Variants in MKLN1 observed in about 807,000 individuals in gnomAD.
MKLN1 encodes the protein muskelin 1.
In MKLN1, 18 loss-of-function variants were observed where a neutral mutation model predicts 99.0. That is an observed-to-expected ratio of 0.18 (90% CI 0.13 to 0.27). MKLN1 has a LOEUF of 0.27. Ranked by LOEUF, MKLN1 falls within the 10% of genes least tolerant of loss-of-function variation. MKLN1 has a pLI of 1.00. For synonymous variants in MKLN1, 288 were observed against 293.2 expected (o/e 0.98, Z 0.18); for missense variants, 621 against 875.9 (o/e 0.71, Z 3.67).
intron 17 of MKLN1, among the ~76,000 whole-genome samples, chr7:131,484,252 T>TA (rs1458460422): frequency 1.3e-5 from 2 of 152,192 alleles, no homozygotes; most frequent in African/African-American, 4.8e-5. Flanking sequence ...TAAATGAGCT[T>TA]AGTACATTGC....
chr7:131,117,323 G>A (rs1201391868), intron 1 of MKLN1, among the ~76,000 whole-genome samples: 3 of 151,748 alleles, frequency 2.0e-5, no homozygotes, highest in Non-Finnish European at 2.9e-5. Flanking sequence ...CCAGCTACTC[G>A]GGAGGCTGAG....
At chr7:131,458,696 TAAAG>T (rs1444533053) in intron 12 of MKLN1, among the ~76,000 whole-genome samples, 1 of 152,046 alleles carries the variant, frequency 6.6e-6, no homozygotes, top group Admixed American at 6.6e-5. Flanking sequence ...AATATCTCCT[TAAAG>T]AAGTTTATAT....
At chr7:131,429,524 C>T (rs1265829117) in intron 9 of MKLN1, among the ~76,000 whole-genome samples, 1 of 152,120 alleles carries the variant, frequency 6.6e-6, no homozygotes, top group Non-Finnish European at 1.5e-5. Flanking sequence ...GTTTTTGACA[C>T]TCACTATCTC....
chr7:131,382,844 C>T (rs962424340), intron 2 of MKLN1, among the ~76,000 whole-genome samples: 1 of 151,928 alleles, frequency 6.6e-6, no homozygotes, highest in African/African-American at 2.4e-5. Context: ...CTGTCTCAGC[C>T]TCCCGAGTAG....
At chr7:131,289,847 C>T (rs1798191099) in intron 3 of MKLN1, among the ~76,000 whole-genome samples, 2 of 152,190 alleles carry the variant, frequency 1.3e-5, no homozygotes, top group Non-Finnish European at 2.9e-5. Flanking sequence ...TCACTACATT[C>T]CAGCCACATT....
chr7:131,443,775 T>TCTCTTC, intron 11 of MKLN1, 73 bp downstream of exon 11: 1 of 1,147,220 alleles, frequency 8.7e-7, no homozygotes, highest in Non-Finnish European at 1.3e-6. Flanking sequence ...AGTGGTGAAA[T>TCTCTTC]CTAATTCTTT....
rs147602863 is a variant in MKLN1, at chr7:131,196,549, G to A, written c.-296-6308G>A. On this transcript the variant is annotated intron_variant, in intron 2 of 7. Transcript: ENST00000416992. ...TTCATTTTTTTTTTTCCAAAACGGTGTGCTAAAATGACTGCTGACTGCAAA... is the reference window on the plus strand; with the variant it reads ...TTCATTTTTTTTTTTCCAAAACGGTATGCTAAAATGACTGCTGACTGCAAA... 9.4e-3 allele frequency among the ~76,000 whole-genome samples: 1,422 copies of A among 151,350 alleles called. 16 individuals carry two copies. The highest frequency in any genetic ancestry group is 0.027 in the Middle Eastern group (8 of 294).
chr7:131,235,202 CCCTCTATCTCTCTATCTCTTTCTCTCTG>C, intron 3 of MKLN1, among the ~76,000 whole-genome samples: 1 of 152,190 alleles, frequency 6.6e-6, no homozygotes, highest in Non-Finnish European at 1.5e-5. Flanking sequence ...CTCTGTCTCT[CCCTCTATCTCTCTATCTCTTTCTCTCTG>C]TGTCTCTCTC....
At chr7:131,227,473 T>TTCTC (rs1284436982) in intron 3 of MKLN1, among the ~76,000 whole-genome samples, 29 of 143,220 alleles carry the variant, frequency 2.0e-4, no homozygotes, top group African/African-American at 3.6e-4. Context: ...CTTTCTTTCT[T>TTCTC]TCTCTCTTTC....
At chr7:131,233,706 T>C (rs866982988) in intron 3 of MKLN1, among the ~76,000 whole-genome samples, 2 of 151,988 alleles carry the variant, frequency 1.3e-5, no homozygotes, top group African/African-American at 4.8e-5. Context: ...TCAAATAATA[T>C]GAATGTACTA....
chr7:131,158,717 A>C (rs113987695), intron 2 of MKLN1, among the ~76,000 whole-genome samples: 11 of 152,308 alleles, frequency 7.2e-5, no homozygotes, highest in African/African-American at 2.6e-4. Flanking sequence ...AGGACTGAGC[A>C]CATGGTAGAA....
chr7:131,120,542 C>T (rs776379808), intron 1 of MKLN1, among the ~76,000 whole-genome samples: 10 of 69,610 alleles, frequency 1.4e-4, no homozygotes, highest in Non-Finnish European at 2.7e-4. Flanking sequence ...GAGCAAGACT[C>T]CCTCTCAAAA....
intron 2 of MKLN1, among the ~76,000 whole-genome samples, chr7:131,198,343 G>A (rs1362036343): frequency 2.0e-5 from 3 of 152,180 alleles, no homozygotes; most frequent in Non-Finnish European, 2.9e-5. Flanking sequence ...ATGTCGTCAG[G>A]ACCTCCTGAG....
intron 17 of MKLN1, 179 bp downstream of exon 17, chr7:131,478,856 T>G: frequency 1.4e-6 from 1 of 723,580 alleles, no homozygotes. Flanking sequence ...TGAGGTATCA[T>G]TTTGCAGTTC....
intron 1 of MKLN1, among the ~76,000 whole-genome samples, chr7:131,336,775 A>G (rs1799262098): frequency 1.3e-5 from 2 of 152,278 alleles, no homozygotes; most frequent in East Asian, 1.9e-4. Flanking sequence ...TTTCACGTCT[A>G]CATTTAAATC....
intron 1 of MKLN1, among the ~76,000 whole-genome samples, chr7:131,356,717 A>G (rs4443604): frequency 6.6e-6 from 1 of 152,206 alleles, no homozygotes; most frequent in African/African-American, 2.4e-5. Flanking sequence ...AAAGGACAGT[A>G]TTCTTCATCG....
Position 131,399,292 on chromosome 7 carries a change from A to G in MKLN1, c.562A>G (p.Asn188Asp), listed in dbSNP as rs1378814470. 6.2e-7 allele frequency: 1 copy of G among 1,614,040 alleles called. No individual in the cohort carries two copies. ...TTGCCTAAAACACTTCAGACAACACAACTATACAGAAGCTTTTGAGTCACT... is the reference window on the plus strand; with the variant it reads ...TTGCCTAAAACACTTCAGACAACACGACTATACAGAAGCTTTTGAGTCACT... ...RLCLKHFRQHNYTEAFESLQK... is the reference protein window; with the variant it reads ...RLCLKHFRQHDYTEAFESLQK... The change falls in exon 6 of 18, where the codon AAC becomes GAC. Residue 188 changes from asparagine to aspartate, a missense_variant. By Grantham distance (23) the Asn-to-Asp change is conservative. Transcript: ENST00000352689.
intron 12 of MKLN1, among the ~76,000 whole-genome samples, chr7:131,447,006 A>G (rs544980443): frequency 1.7e-4 from 26 of 152,336 alleles, no homozygotes; most frequent in African/African-American, 6.3e-4. Context: ...AATGTAAAAA[A>G]CGAAGGATAG....
intron 6 of MKLN1, among the ~76,000 whole-genome samples, chr7:131,404,728 C>G (rs1383714141): frequency 6.6e-6 from 1 of 151,914 alleles, no homozygotes; most frequent in African/African-American, 2.4e-5. Context: ...ACCAAGCCTC[C>G]CAGGTAGCAG....
Sources: allele counts gnomAD v4.1 joint callset (sites outside exome capture counted in the v4.1 genomes callset), GRCh38; gene constraint gnomAD v4.1.1; transcripts MANE v1.5; gene names NCBI Gene and HGNC (gene_info 2026-07-23, HGNC 2026-07-21).